The following NPY1R variants were observed in gnomAD, a reference collection of about 807,000 sequenced individuals.
NPY1R encodes neuropeptide Y receptor Y1.
Under a neutral mutation model 24.1 loss-of-function variants are expected in NPY1R, and 10 were observed. The ratio of observed to expected loss-of-function variants is 0.42; its 90% CI spans 0.26 to 0.71. The LOEUF (loss-of-function observed/expected upper bound fraction) is 0.71. NPY1R is among the 30% of genes least tolerant of loss of function. The pLI, the probability that NPY1R is intolerant of heterozygous loss-of-function variation, is 0.28. For missense variants in NPY1R, 350 were observed against 458.0 expected, an observed-to-expected ratio of 0.76 and a Z score of 2.15; for synonymous variants, 168 against 165.9, an observed-to-expected ratio of 1.01 and a Z score of -0.10.
At chr4:163,343,347 T>C (rs530773063) in intron 1 of NPY1R, among the ~76,000 whole-genome samples, 1 of 152,192 alleles carries the variant, frequency 6.6e-6, no homozygotes, top group East Asian at 1.9e-4. Context: ...CCTTCTATTC[T>C]GCTGGGCTCA....
upstream of NPY1R, among the ~76,000 whole-genome samples, chr4:163,335,697 C>T (rs1438065527): frequency 6.6e-6 from 1 of 151,868 alleles, no homozygotes; most frequent in Non-Finnish European, 1.5e-5. Flanking sequence ...AGTTCATATT[C>T]TATGAATTGA....
chr4:163,332,413 T>A (rs1051775459), intron 1 of NPY1R, 69 bp downstream of exon 1: 2 of 152,208 alleles, frequency 1.3e-5, no homozygotes, highest in Non-Finnish European at 2.9e-5. Context: ...TTTCTTCCCC[T>A]CTCATCCTTC....
chr4:163,330,311 C>T (rs992067391), intron 1 of NPY1R, among the ~76,000 whole-genome samples: 7 of 152,098 alleles, frequency 4.6e-5, no homozygotes, highest in African/African-American at 1.7e-4. Flanking sequence ...AATAGGCATG[C>T]CCAATGAGGA....
intron 1 of NPY1R, among the ~76,000 whole-genome samples, chr4:163,338,185 G>A (rs530144047): frequency 6.6e-6 from 1 of 151,498 alleles, no homozygotes; most frequent in South Asian, 2.1e-4. Context: ...TGGCCCATGG[G>A]TGATGGCCTA....
chr4:163,338,313 T>A lies in NPY1R; in HGVS notation c.-152+5992A>T, dbSNP rs531378446. Among the ~76,000 whole-genome samples the A allele has an allele frequency of 2.6e-4, 39 of 152,328 alleles. 1 individual carries two copies. In the East Asian group the frequency reaches 3.3e-3, roughly 13 times the overall value. The stretch of plus-strand genomic sequence containing the variant: ...TGCTCTAAATATAGTCAAAAATAAA[T>A]TAATTTTAGCCCATTTAGAGCCTAC... On this transcript the variant is annotated intron_variant, in intron 1 of 1. Coordinates refer to the NPY1R transcript ENST00000511901.
chr4:163,332,821 T>TA (rs1355467681), upstream of NPY1R: 1 of 152,214 alleles, frequency 6.6e-6, no homozygotes, highest in Non-Finnish European at 1.5e-5. Flanking sequence ...AAGGAAGCCC[T>TA]AATCCCCACA....
upstream of NPY1R, among the ~76,000 whole-genome samples, chr4:163,337,793 A>G (rs796359604): frequency 6.6e-6 from 1 of 152,214 alleles, no homozygotes; most frequent in Admixed American, 6.5e-5. Flanking sequence ...TCTCTTTCTC[A>G]TAGTAACTCC....
chr4:163,339,669 C>T (rs990689948), intron 1 of NPY1R, among the ~76,000 whole-genome samples: 1 of 152,172 alleles, frequency 6.6e-6, no homozygotes, highest in African/African-American at 2.4e-5. Flanking sequence ...AAAAAAGTGT[C>T]TTCAGCATTT....
upstream of NPY1R, among the ~76,000 whole-genome samples, chr4:163,333,467 C>T (rs182823665): frequency 1.3e-5 from 2 of 152,236 alleles, no homozygotes; most frequent in Non-Finnish European, 2.9e-5. Context: ...TAAACACACA[C>T]ATACACACAC....
upstream of NPY1R, chr4:163,332,677 C>T (rs1560858468): frequency 1.3e-5 from 2 of 152,426 alleles, no homozygotes; most frequent in Non-Finnish European, 2.9e-5. Context: ...GCGAGTAGCG[C>T]CTGAAGCTCC....
At position 163,326,343 on chromosome 4, in the gene NPY1R, A is replaced by T; in HGVS notation, c.212T>A (p.Met71Lys). 1 of 1,614,078 alleles carries T rather than the reference A, an allele frequency of 6.2e-7. No individual in the cohort carries two copies. Among genetic ancestry groups the T allele is most frequent in the Non-Finnish European group, 8.5e-7 (1 of 1,179,934 alleles). Residue 71 changes from methionine to lysine, a missense_variant, in exon 2 of 3, where the codon ATG becomes AAG. Transcript: ENST00000296533. ...LIIIILKQKEMRNVTNILIVN... is the reference protein window; with the variant it reads ...LIIIILKQKEKRNVTNILIVN... ...AATCAGGATGTTGGTAACATTTCTC[A>T]TCTCCTTTTGTTTCAAGATGATTAT...
At chr4:163,329,872 T>C (rs1484589496) in intron 1 of NPY1R, among the ~76,000 whole-genome samples, 1 of 150,898 alleles carries the variant, frequency 6.6e-6, no homozygotes, top group African/African-American at 2.4e-5. Context: ...TTAGGAAGGC[T>C]AAAGAGGGGG....
intron 1 of NPY1R, among the ~76,000 whole-genome samples, chr4:163,343,494 C>T (rs997269113): frequency 1.3e-5 from 2 of 151,924 alleles, no homozygotes; most frequent in Non-Finnish European, 2.9e-5. Flanking sequence ...ACACCACCCC[C>T]CACCGTCCCC....
intron 1 of NPY1R, among the ~76,000 whole-genome samples, chr4:163,343,215 T>A (rs1171805856): frequency 6.6e-6 from 1 of 151,682 alleles, no homozygotes; most frequent in Admixed American, 6.6e-5. Flanking sequence ...TTTTTAGCCC[T>A]TCGTCTTCTC....
chr4:163,338,112 T>C (rs938130406), intron 1 of NPY1R, among the ~76,000 whole-genome samples: 1 of 152,180 alleles, frequency 6.6e-6, no homozygotes, highest in Non-Finnish European at 1.5e-5. Context: ...AGATCTACTA[T>C]TTCCATCTAC....
chr4:163,335,894 A>G (rs1382937089), upstream of NPY1R, among the ~76,000 whole-genome samples: 1 of 152,206 alleles, frequency 6.6e-6, no homozygotes, highest in Non-Finnish European at 1.5e-5. Flanking sequence ...TTAAGCCCAC[A>G]TTTTAAAGCC....
chr4:163,325,301 T>C lies in NPY1R; in HGVS notation c.*2A>G, dbSNP rs1578930788. 1.9e-6 allele frequency: 3 copies of C among 1,601,074 alleles called. No individual in the cohort carries two copies. The highest frequency in any genetic ancestry group is 4.5e-5 in the East Asian group (2 of 44,810). ...ATCCGGGACCATAGGCTATAAGTAG[T>C]TTCAGATTTTTTCATTATCATCATT... On this transcript the variant is annotated 3_prime_UTR_variant, in exon 3 of 3. Transcript: ENST00000296533.
At chr4:163,341,563 C>G (rs1355823964) in intron 1 of NPY1R, among the ~76,000 whole-genome samples, 1 of 152,122 alleles carries the variant, frequency 6.6e-6, no homozygotes, top group Non-Finnish European at 1.5e-5. Context: ...ACTGTTTTAT[C>G]GTTCAATAAT....
In NPY1R at chr4:163,326,044, A is replaced by G. The variant is rs769959052; in HGVS notation, c.511T>C (p.Leu171=). The G allele has an allele frequency of 6.2e-7, 1 of 1,614,106 alleles. No homozygotes were observed. Among genetic ancestry groups the G allele is most frequent in the Non-Finnish European group, 8.5e-7 (1 of 1,179,974 alleles). ...ATTACTTGGTAGATCAGGAAAGGCA[A>G]AGAAGAAGCCACAGCAAGGACCCAA... ...VIWVLAVASS[L]PFLIYQVMTD... The change falls in exon 2 of 3, where the codon TTG becomes CTG. Residue 171 remains leucine, a synonymous_variant. Transcript: ENST00000296533.
Sources: allele counts gnomAD v4.1 joint callset (sites outside exome capture counted in the v4.1 genomes callset), GRCh38; gene constraint gnomAD v4.1.1; transcripts MANE v1.5; gene names NCBI Gene and HGNC (gene_info 2026-07-23, HGNC 2026-07-21).